The following ROBO1 variants were observed in gnomAD, a reference collection of about 807,000 sequenced individuals.
ROBO1 encodes roundabout homolog 1.
A neutral mutation model predicts 195.9 loss-of-function variants in ROBO1; 149 were observed. The observed-to-expected ratio is 0.76, with a 90% CI of 0.67 to 0.87. ROBO1 has a LOEUF of 0.87. ROBO1 is among the 40% of genes least tolerant of loss of function. ROBO1 has a pLI of 0.00. For missense variants in ROBO1, 1,933 were observed against 2,068.3 expected (o/e 0.93, Z 1.27); for synonymous variants, 816 against 733.2 (o/e 1.11, Z -1.82).
intron 26 of ROBO1, among the ~76,000 whole-genome samples, chr3:78,623,321 C>T (rs1575792802): frequency 6.6e-6 from 1 of 152,126 alleles, no homozygotes; most frequent in East Asian, 1.9e-4. Context: ...GTGTTAGCTC[C>T]AAAAGGAGAG....
chr3:79,705,097 T>G (rs1354737746), intron 1 of ROBO1, among the ~76,000 whole-genome samples: 2 of 152,022 alleles, frequency 1.3e-5, no homozygotes, highest in Admixed American at 6.6e-5. Flanking sequence ...TTTTCAGATT[T>G]TTTTTGGCAA....
chr3:78,618,091 T>TA, intron 26 of ROBO1, 50 bp from the exon 27 acceptor site: 1 of 1,523,050 alleles, frequency 6.6e-7, no homozygotes, highest in Non-Finnish European at 8.8e-7. Flanking sequence ...ATTTAAGACA[T>TA]AAAAGGACAA....
chr3:79,541,386 GC>G (rs1575994153), intron 2 of ROBO1, among the ~76,000 whole-genome samples: 1 of 152,020 alleles, frequency 6.6e-6, no homozygotes, highest in African/African-American at 2.4e-5. Flanking sequence ...GTATTAACAT[GC>G]CCCCCTCCCA....
At chr3:79,146,777 A>G (rs2080661890) in intron 2 of ROBO1, among the ~76,000 whole-genome samples, 1 of 151,980 alleles carries the variant, frequency 6.6e-6, no homozygotes, top group Non-Finnish European at 1.5e-5. Context: ...CTCAGTATCC[A>G]GTATCTAGAA....
chr3:79,289,187 AAAT>A (rs1288675617), intron 2 of ROBO1, among the ~76,000 whole-genome samples: 5 of 152,282 alleles, frequency 3.3e-5, no homozygotes, highest in Admixed American at 2.6e-4. Context: ...TTCCTTATTA[AAAT>A]AATAAAAACA....
chr3:78,637,944 A>G (rs1324596857), intron 22 of ROBO1, among the ~76,000 whole-genome samples: 1 of 135,092 alleles, frequency 7.4e-6, no homozygotes, highest in Non-Finnish European at 1.5e-5. Flanking sequence ...CCATACAATA[A>G]TTTTAATATT....
intron 3 of ROBO1, among the ~76,000 whole-genome samples, chr3:79,007,057 T>C (rs1182109533): frequency 1.3e-5 from 2 of 152,116 alleles, no homozygotes; most frequent in African/African-American, 4.8e-5. Flanking sequence ...ACTGGCTAAT[T>C]AGATATATTG....
In ROBO1 at chr3:79,112,318, A is replaced by G. The variant is rs200972685; in HGVS notation, c.172+13138T>C. On this transcript the variant is annotated intron_variant, in intron 3 of 30. Coordinates refer to ENST00000464233, the MANE Select transcript of ROBO1 (RefSeq NM_002941.4). ...TGAACAAGGCATTTGCACTCCAGAG[A>G]AGTGCTCCTGCACATCTGAAAGGCT... is the stretch of plus-strand genomic sequence containing the variant. Among the ~76,000 whole-genome samples the G allele has an allele frequency of 1.5e-3, 227 of 152,214 alleles. 1 individual carries two copies. The highest frequency in any genetic ancestry group is 5.3e-3 in the African/African-American group (219 of 41,544).
intron 4 of ROBO1, among the ~76,000 whole-genome samples, chr3:78,892,036 C>A (rs946951206): frequency 6.6e-6 from 1 of 152,174 alleles, no homozygotes; most frequent in African/African-American, 2.4e-5. Context: ...CACCAATAGT[C>A]ATTGGATTAG....
chr3:79,354,046 CAA>C (rs34826463), intron 2 of ROBO1, among the ~76,000 whole-genome samples: 11 of 132,730 alleles, frequency 8.3e-5, no homozygotes, highest in African/African-American at 1.7e-4. Context: ...CTCTGTCTCA[CAA>C]AAAAAAAAAA....
intron 1 of ROBO1, among the ~76,000 whole-genome samples, chr3:79,696,957 T>C (rs563606559): frequency 2.0e-5 from 3 of 151,628 alleles, no homozygotes; most frequent in African/African-American, 7.2e-5. Context: ...ATAAATATAT[T>C]GTCTCAAAAA....
At chr3:78,885,438 A>AG (rs2036500087) in intron 4 of ROBO1, among the ~76,000 whole-genome samples, 1 of 149,974 alleles carries the variant, frequency 6.7e-6, no homozygotes, top group Non-Finnish European at 1.5e-5. Flanking sequence ...AAAAAAAAAA[A>AG]AAAACTGAGA....
At chr3:78,979,763 G>C (rs1331582368) in intron 3 of ROBO1, among the ~76,000 whole-genome samples, 1 of 151,834 alleles carries the variant, frequency 6.6e-6, no homozygotes, top group Admixed American at 6.6e-5. Flanking sequence ...CAAAAAGGTG[G>C]GAGGGGGAAG....
At chr3:79,180,373 C>T (rs1344224478) in intron 2 of ROBO1, among the ~76,000 whole-genome samples, 1 of 152,200 alleles carries the variant, frequency 6.6e-6, no homozygotes, top group African/African-American at 2.4e-5. Context: ...CTCCCTGCCT[C>T]AATGAAGATT....
intron 1 of ROBO1, among the ~76,000 whole-genome samples, chr3:79,632,436 C>T (rs985887937): frequency 2.6e-5 from 4 of 152,038 alleles, no homozygotes; most frequent in East Asian, 3.9e-4. Context: ...TGGTACACAT[C>T]GACACACAGA....
chr3:79,142,400 T>A (rs1291807626), intron 2 of ROBO1, among the ~76,000 whole-genome samples: 1 of 152,142 alleles, frequency 6.6e-6, no homozygotes, highest in Admixed American at 6.6e-5. Context: ...AAGTGAGATG[T>A]GACTAAAGTT....
intron 1 of ROBO1, among the ~76,000 whole-genome samples, chr3:79,641,448 G>T (rs1945658044): frequency 6.6e-6 from 1 of 151,932 alleles, no homozygotes; most frequent in Non-Finnish European, 1.5e-5. Context: ...CCTAATGCTA[G>T]ATGACGAGTT....
At chr3:79,038,184 A>G (rs553177113) in intron 3 of ROBO1, among the ~76,000 whole-genome samples, 4 of 152,318 alleles carry the variant, frequency 2.6e-5, no homozygotes, top group African/African-American at 9.6e-5. Flanking sequence ...GTAGAGTCTC[A>G]TCTCTGTTAT....
chr3:79,604,408 G>A (rs1254095380), intron 1 of ROBO1, among the ~76,000 whole-genome samples: 1 of 151,984 alleles, frequency 6.6e-6, no homozygotes, highest in African/African-American at 2.4e-5. Flanking sequence ...ATTATGAAGT[G>A]AAGTAATCAA....
Sources: gnomAD v4.1 joint callset for allele counts (sites outside exome capture counted in the v4.1 genomes callset) on GRCh38, gnomAD v4.1.1 for gene constraint, MANE v1.5 for transcripts, NCBI Gene and HGNC (gene_info 2026-07-23, HGNC 2026-07-21) for gene names.